Variants in GRK6 observed in about 807,000 individuals in gnomAD.
GRK6 encodes G protein-coupled receptor kinase 6.
In GRK6, 37 loss-of-function variants were observed where a neutral mutation model predicts 80.8. That is an observed-to-expected ratio of 0.46 (90% CI 0.35 to 0.60). The LOEUF (loss-of-function observed/expected upper bound fraction) is 0.60, where lower values mean the gene tolerates loss of function less well. Ranked by LOEUF, GRK6 falls within the 20% of genes least tolerant of loss-of-function variation. The probability of loss-of-function intolerance (pLI) is 0.00; values close to 1 mark genes in which losing one functional copy is unlikely to be tolerated. For missense variants in GRK6, 560 were observed against 784.6 expected (o/e 0.71, Z 3.42); for synonymous variants, 295 against 320.9 (o/e 0.92, Z 0.86).
At chr5:177,432,641 T>C in intron 4 of GRK6, 65 bp from the exon 5 acceptor site, 30 of 1,154,668 alleles carry the variant, frequency 2.6e-5, no homozygotes, top group Non-Finnish European at 3.7e-5. Flanking sequence ...CTGACCCCTC[T>C]CCCCTGGAAG....
rs1297939197 is a variant in GRK6, at chr5:177,442,053, A to G, written c.*263A>G. ...TTTCTGTATTTATGTATTTGTACGAATGTATATAGCGACCAGAGCATTCTT... is the reference window on the plus strand; with the variant it reads ...TTTCTGTATTTATGTATTTGTACGAGTGTATATAGCGACCAGAGCATTCTT... On this transcript the variant is annotated 3_prime_UTR_variant, in exon 16 of 16. Coordinates refer to ENST00000355472, the MANE Select transcript of GRK6 (RefSeq NM_001004106.3). 5 of 509,114 alleles carry G rather than the reference A, an allele frequency of 9.8e-6. No individual in the cohort carries two copies. The African/African-American group carries it at 1.0e-4, about 10-fold the overall frequency. 31.5% of individuals were successfully genotyped at this position (509,114 alleles called of 1,614,324 possible).
chr5:177,434,562 C>G (rs1764054878), intron 9 of GRK6, among the ~76,000 whole-genome samples: 1 of 152,308 alleles, frequency 6.6e-6, no homozygotes, highest in Non-Finnish European at 1.5e-5. Flanking sequence ...ACAGCCTAGT[C>G]AGGGGACGGA....
chr5:177,439,333 G>A (rs1488206526), intron 13 of GRK6, among the ~76,000 whole-genome samples: 2 of 152,194 alleles, frequency 1.3e-5, no homozygotes, highest in Admixed American at 6.5e-5. Flanking sequence ...GAGGTCAGGA[G>A]TTCAAGACCA....
At chr5:177,431,066 T>C (rs1763870439) in intron 2 of GRK6, 99 bp downstream of exon 2, 4 of 935,196 alleles carry the variant, frequency 4.3e-6, no homozygotes, top group South Asian at 1.5e-5. Context: ...AGGGGCAGAC[T>C]TGGGGGCTCC....
At chr5:177,426,076 C>T (rs140447380), upstream of GRK6, among the ~76,000 whole-genome samples, 2 of 152,320 alleles carry the variant, frequency 1.3e-5, no homozygotes, top group Non-Finnish European at 2.9e-5. Flanking sequence ...GGTCGGGGAA[C>T]GGCTGCGAGG....
chr5:177,441,458 C>T (rs946863162), intron 15 of GRK6: 1 of 653,826 alleles, frequency 1.5e-6, no homozygotes, highest in Non-Finnish European at 2.6e-6. Flanking sequence ...CTGCCAGCCC[C>T]AGGGGAGAGG....
At chr5:177,432,889 G>A (rs1448111504) in intron 5 of GRK6, 83 bp downstream of exon 5, 4 of 1,161,046 alleles carry the variant, frequency 3.4e-6, no homozygotes, top group East Asian at 2.6e-5. Flanking sequence ...GAACAGCTCG[G>A]TGGCTGGTGA....
chr5:177,427,241 A>G (rs1324534725), intron 1 of GRK6, among the ~76,000 whole-genome samples: 1 of 152,176 alleles, frequency 6.6e-6, no homozygotes, highest in Admixed American at 6.5e-5. Flanking sequence ...AAGATGCCCC[A>G]CGTGCCAGGG....
intron 3 of GRK6, 62 bp downstream of exon 3, chr5:177,432,169 C>T: frequency 4.3e-6 from 7 of 1,609,482 alleles, no homozygotes; most frequent in Non-Finnish European, 5.1e-6. Flanking sequence ...CCATGTGCCC[C>T]TCCTCCCCAC....
chr5:177,434,338 C>T (rs73804343), intron 9 of GRK6, among the ~76,000 whole-genome samples: 3,054 of 152,314 alleles, frequency 0.02, 99 homozygotes, highest in African/African-American at 0.071. Context: ...CTCCACCCCC[C>T]ACCGTGTGAC....
chr5:177,436,211 G>A lies in GRK6; in HGVS notation c.1196G>A (p.Arg399Gln), dbSNP rs200870863. 5.1e-5 allele frequency: 82 copies of A among 1,613,894 alleles called. No homozygotes were observed. Among genetic ancestry groups the A allele is most frequent in the Middle Eastern group, 4.9e-4 (3 of 6,078 alleles). The stretch of plus-strand genomic sequence containing the variant: ...AAGATCAAGCGGGAGGAGGTGGAGC[G>A]GCTGGTGAAGGAGGTCCCCGAGGAG... ...KKKIKREEVE[R>Q]LVKEVPEEYS... The change falls in exon 12 of 16, where the codon CGG (arginine) becomes CAG (glutamine). Residue 399 changes from arginine (R) to glutamine (Q), a missense_variant. Coordinates refer to ENST00000355472, the MANE Select transcript of GRK6 (RefSeq NM_001004106.3).
At chr5:177,433,835 C>A in intron 8 of GRK6, 79 bp from the exon 9 acceptor site, 1 of 1,489,482 alleles carries the variant, frequency 6.7e-7, no homozygotes. Flanking sequence ...GGAGTGGCAC[C>A]GAGAAGGCTT....
chr5:177,426,988 C>A, intron 1 of GRK6, 91 bp downstream of exon 1: 1 of 848,922 alleles, frequency 1.2e-6, no homozygotes, highest in Non-Finnish European at 1.6e-6. Flanking sequence ...CCGTCGGATC[C>A]CCTAGGCCCG....
intron 1 of GRK6, among the ~76,000 whole-genome samples, chr5:177,427,830 C>T (rs889039328): frequency 1.3e-5 from 2 of 152,164 alleles, no homozygotes; most frequent in African/African-American, 4.8e-5. Flanking sequence ...ACAGTTTTTC[C>T]ACCCTTTGCT....
At position 177,434,040 on chromosome 5, in the gene GRK6, G is replaced by A. The variant is rs551864050; in HGVS notation, c.865G>A (p.Val289Ile). 28 of 1,611,110 alleles carry A rather than the reference G, an allele frequency of 1.7e-5. No homozygotes were observed. Among genetic ancestry groups the A allele is most frequent in the African/African-American group, 1.3e-4 (10 of 75,016 alleles). ...GQAGFPEARAVFYAAEICCGL... is the reference protein window; with the variant it reads ...GQAGFPEARAIFYAAEICCGL... ...GGCTGGCTTCCCCGAAGCGCGGGCC[G>A]TCTTCTACGCCGCCGAGATCTGCTG... The change falls in exon 9 of 16, where the codon GTC becomes ATC. Residue 289 changes from valine to isoleucine, a missense_variant. Physicochemically the swap from Val to Ile is conservative, Grantham distance 29. Coordinates refer to ENST00000355472, the MANE Select transcript of GRK6 (RefSeq NM_001004106.3).
In GRK6 at chr5:177,442,160, G is replaced by A. The variant is rs1764544989; in HGVS notation, c.*370G>A. 6.9e-6 allele frequency: 2 copies of A among 291,088 alleles called. No homozygotes were observed. Among genetic ancestry groups the A allele is most frequent in the Non-Finnish European group, 1.3e-5 (2 of 154,698 alleles). 18.0% of individuals were successfully genotyped at this position (291,088 alleles called of 1,614,324 possible). A position where few individuals can be genotyped will look rare whatever the true frequency, so the allele number is the denominator to read the frequency against. ...GCTGGGAGAGCGGGAGCTGGCAGAG[G>A]AGCCACTGCCAAACTCAAGGCTCCT... On this transcript the variant is annotated 3_prime_UTR_variant, in exon 16 of 16. Coordinates refer to ENST00000355472, the MANE Select transcript of GRK6 (RefSeq NM_001004106.3).
At chr5:177,435,501 G>C (rs897962765) in intron 11 of GRK6, among the ~76,000 whole-genome samples, 2 of 152,226 alleles carry the variant, frequency 1.3e-5, no homozygotes, top group Non-Finnish European at 2.9e-5. Context: ...ACCGAGAGAC[G>C]CAGGAGGCAG....
At chr5:177,433,443 G>A in intron 7 of GRK6, 33 bp downstream of exon 7, 2 of 1,611,670 alleles carry the variant, frequency 1.2e-6, no homozygotes, top group Non-Finnish European at 1.7e-6. Flanking sequence ...CTGGGAGAGT[G>A]AATAGGGTGG....
intron 15 of GRK6, 28 bp from the exon 16 acceptor site, chr5:177,441,709 T>C (rs752113403): frequency 1.9e-6 from 3 of 1,573,688 alleles, no homozygotes; most frequent in Non-Finnish European, 2.6e-6. Flanking sequence ...CCTCTCTCCC[T>C]CCCTCCGTGT....
Sources: allele counts gnomAD v4.1 joint callset (sites outside exome capture counted in the v4.1 genomes callset), GRCh38; gene constraint gnomAD v4.1.1; transcripts MANE v1.5; gene names NCBI Gene and HGNC (gene_info 2026-07-23, HGNC 2026-07-21).